FBRSL1: variants seen among roughly 807,000 people sequenced by gnomAD.
FBRSL1 encodes the protein fibrosin like 1, also known as fibrosin-1-like protein.
A neutral mutation model predicts 89.6 loss-of-function variants in FBRSL1; 51 were observed. The ratio of observed to expected loss-of-function variants is 0.57; its 90% CI spans 0.45 to 0.72. The LOEUF is 0.72. Ranked by LOEUF, FBRSL1 falls within the 30% of genes least tolerant of loss-of-function variation. The pLI is 0.00. For synonymous variants in FBRSL1, 779 were observed against 681.1 expected, an observed-to-expected ratio of 1.14 and a Z score of -2.24; for missense variants, 1,618 against 1,451.8, an observed-to-expected ratio of 1.11 and a Z score of -1.86.
chr12:132,582,352 C>G (rs1279762439), intron 18 of FBRSL1, 86 bp downstream of exon 18: 3 of 1,188,644 alleles, frequency 2.5e-6, no homozygotes, highest in East Asian at 2.6e-5. Flanking sequence ...TCCCCCTCCC[C>G]CGTTCCCTCT....
chr12:132,526,756 G>GC (rs1318772164), intron 3 of FBRSL1, among the ~76,000 whole-genome samples: 2 of 152,082 alleles, frequency 1.3e-5, no homozygotes, highest in Non-Finnish European at 2.9e-5. Flanking sequence ...CTTTGCATCT[G>GC]CCCCCCACTC....
At chr12:132,509,866 G>A (rs1566116315) in intron 2 of FBRSL1, 6 of 1,231,696 alleles carry the variant, frequency 4.9e-6, no homozygotes, top group South Asian at 4.1e-5. Context: ...CGACCACGCC[G>A]ACGGCCCGCC....
intron 4 of FBRSL1, among the ~76,000 whole-genome samples, chr12:132,530,226 G>A (rs944774027): frequency 6.6e-6 from 1 of 152,230 alleles, no homozygotes; most frequent in Non-Finnish European, 1.5e-5. Context: ...AGCTCCTGGT[G>A]TGCGTGTTCA....
Position 132,535,766 on chromosome 12 carries a change from AGT to A in FBRSL1, c.615+7782_615+7783del, listed in dbSNP as rs764331140. Among the ~76,000 whole-genome samples the A allele has an allele frequency of 2.0e-5, 3 of 152,038 alleles. No homozygotes were observed. In the East Asian group the frequency reaches 5.8e-4, roughly 29 times the overall value. On this transcript the variant is annotated intron_variant, in intron 4 of 18. Coordinates refer to ENST00000680143, the MANE Select transcript of FBRSL1 (RefSeq NM_001367871.1). ...CTGCATGTGTGCACGTGTACATGAC[AGT>A]GTGAGTGCACGTGTGTCCATGATGG...
In FBRSL1 at chr12:132,583,086, C is replaced by T. The variant is rs1459622518; in HGVS notation, c.2317C>T (p.Pro773Ser). ...AQSELGRSGA[P>S]AEREAEPRVK... ...GAGCGAGCTGGGCCGGTCCGGGGCC[C>T]CCGCGGAGCGCGAGGCCGAACCTCG... The change falls in exon 19 of 19, where the codon CCC becomes TCC. Residue 773 changes from proline to serine, a missense_variant. Transcript: ENST00000680143. 9.0e-6 allele frequency: 13 copies of T among 1,447,978 alleles called. No individual in the cohort carries two copies. The Admixed American group carries it at 1.8e-4, about 20-fold the overall frequency. The allele number at this position is 1,447,978 out of a possible 1,614,324, so 89.7% of individuals were successfully genotyped here. A position where few individuals can be genotyped will look rare whatever the true frequency, so the allele number is the denominator to read the frequency against.
Position 132,583,703 on chromosome 12 carries a change from G to A in FBRSL1, c.2934G>A (p.Pro978=). Reference sequence around the variant, plus strand: ...GGCCGCCGCGGAGCCGGACTACTCCGCTGGGGGGCCTCGGGCCGGGCGAGG... The same window carrying A: ...GGCCGCCGCGGAGCCGGACTACTCCACTGGGGGGCCTCGGGCCGGGCGAGG... ...PPGPPRSRTT[P]LGGLGPGEAR... The change falls in exon 19 of 19, where the codon CCG becomes CCA. Residue 978 remains proline, a synonymous_variant. Transcript: ENST00000680143. The A allele has an allele frequency of 1.7e-6, 2 of 1,191,014 alleles. No individual in the cohort carries two copies. Among genetic ancestry groups the A allele is most frequent in the South Asian group, 4.2e-5 (1 of 23,966 alleles). 73.8% of individuals were successfully genotyped at this position (1,191,014 alleles called of 1,614,324 possible).
chr12:132,536,492 G>A (rs1474482204), intron 4 of FBRSL1, among the ~76,000 whole-genome samples: 1 of 150,954 alleles, frequency 6.6e-6, no homozygotes, highest in Non-Finnish European at 1.5e-5. Context: ...GTACATGAAG[G>A]TGTGTCGTGT....
intron 1 of FBRSL1, among the ~76,000 whole-genome samples, chr12:132,497,323 G>C (rs1341409352): frequency 6.6e-6 from 1 of 152,114 alleles, no homozygotes; most frequent in African/African-American, 2.4e-5. Flanking sequence ...TGGAGGCTGG[G>C]GGAGAGGAGC....
intron 5 of FBRSL1, chr12:132,566,235 C>CAT: frequency 6.6e-6 from 1 of 151,880 alleles, no homozygotes; most frequent in East Asian, 2.0e-4. Flanking sequence ...GGCTAGGTGG[C>CAT]TCTGGGGCCC....
At chr12:132,493,735 A>G (rs2031518729) in intron 1 of FBRSL1, among the ~76,000 whole-genome samples, 1 of 152,200 alleles carries the variant, frequency 6.6e-6, no homozygotes. Flanking sequence ...GGTGGGACAC[A>G]TAGGCCGTTC....
In FBRSL1 at chr12:132,546,383, G is replaced by A. The variant is rs989252593; in HGVS notation, c.616-1620G>A. Among the ~76,000 whole-genome samples, 1 of 152,188 alleles carries A rather than the reference G, an allele frequency of 6.6e-6. No homozygotes were observed. Among genetic ancestry groups the A allele is most frequent in the Non-Finnish European group, 1.5e-5 (1 of 68,028 alleles). On this transcript the variant is annotated intron_variant, in intron 4 of 18. Coordinates refer to ENST00000680143, the MANE Select transcript of FBRSL1 (RefSeq NM_001367871.1). This position sits in a 1 kb window ranked among gnomAD's most constrained non-coding sequence, Gnocchi z 4.0. ...GCCCGGTTCTGACTTGGAGCCCTCA[G>A]TTCTTGTGTGGTGGGCCGGGCTGGG...
intron 5 of FBRSL1, among the ~76,000 whole-genome samples, chr12:132,559,073 G>A (rs562980594): frequency 6.6e-6 from 1 of 152,362 alleles, no homozygotes; most frequent in South Asian, 2.1e-4. Context: ...GCGGTCAGGC[G>A]CACATAAGCA....
chr12:132,508,074 G>C, intron 1 of FBRSL1, 79 bp from the exon 2 acceptor site: 1 of 1,374,034 alleles, frequency 7.3e-7, no homozygotes, highest in South Asian at 1.3e-5. Flanking sequence ...CTTCCCAAGA[G>C]CTGCTCAGGT....
intron 2 of FBRSL1, among the ~76,000 whole-genome samples, chr12:132,519,685 T>G (rs930702593): frequency 6.6e-6 from 1 of 152,074 alleles, no homozygotes; most frequent in Non-Finnish European, 1.5e-5. Flanking sequence ...CCAAGGCAAA[T>G]GGATCACGAA....
At position 132,522,274 on chromosome 12, in the gene FBRSL1, G is replaced by C. The variant is rs370494752; in HGVS notation, c.490-3460G>C. The stretch of plus-strand genomic sequence containing the variant: ...CGCACCTGAGCCCCCGACTGAGCCC[G>C]AGCCTCCCAGTGGAACCATGTTTCT... On this transcript the variant is annotated intron_variant, in intron 2 of 18. Coordinates refer to ENST00000680143, the MANE Select transcript of FBRSL1 (RefSeq NM_001367871.1). Among the ~76,000 whole-genome samples the C allele has an allele frequency of 2.6e-5, 4 of 152,248 alleles. 1 individual carries two copies. The South Asian group carries it at 8.3e-4, about 32-fold the overall frequency.
chr12:132,523,654 C>T (rs2035550812), intron 2 of FBRSL1, among the ~76,000 whole-genome samples: 2 of 152,310 alleles, frequency 1.3e-5, no homozygotes, highest in Non-Finnish European at 1.5e-5. Context: ...GCAGCCTTTC[C>T]CATCGCTGCC....
intron 5 of FBRSL1, among the ~76,000 whole-genome samples, chr12:132,563,809 TGAACCCCCGAG>T (rs2039357043): frequency 3.6e-5 from 1 of 28,026 alleles, no homozygotes; most frequent in Non-Finnish European, 5.4e-5. Context: ...CCGTCGCCCC[TGAACCCCCGAG>T]CTTGTGTGCA....
In FBRSL1 at chr12:132,574,126, G is replaced by A; in HGVS notation, c.1567G>A (p.Ala523Thr). ...CATTGAGGTGGCCCGCCGGGCTGGT[G>A]CGGTTCACACACTCCTGCAGAAAGC... ...SPIEVARRAGAVHTLLQKAPG... is the reference protein window; with the variant it reads ...SPIEVARRAGTVHTLLQKAPG... Residue 523 changes from alanine (A) to threonine (T), a missense_variant, in exon 12 of 19, where the codon GCG (alanine) becomes ACG (threonine). Transcript: ENST00000680143. 3 of 1,374,562 alleles carry A rather than the reference G, an allele frequency of 2.2e-6. No individual in the cohort carries two copies. Among genetic ancestry groups the A allele is most frequent in the Non-Finnish European group, 1.9e-6 (2 of 1,069,964 alleles). The allele number at this position is 1,374,562 out of a possible 1,614,324, so 85.1% of individuals were successfully genotyped here.
At chr12:132,513,463 C>T (rs574285638) in intron 2 of FBRSL1, among the ~76,000 whole-genome samples, 69 of 152,166 alleles carry the variant, frequency 4.5e-4, no homozygotes, top group African/African-American at 1.3e-3. Flanking sequence ...GCCCGCTGCC[C>T]GACTACAGAG....
Sources: gnomAD v4.1 joint callset for allele counts (sites outside exome capture counted in the v4.1 genomes callset) on GRCh38, gnomAD v4.1.1 for gene constraint, Gnocchi (gnomAD v3.1) non-coding constraint, MANE v1.5 for transcripts, NCBI Gene and HGNC (gene_info 2026-07-23, HGNC 2026-07-21) for gene names.